NRF1: variants seen among roughly 807,000 people sequenced by gnomAD.
NRF1 encodes the protein alpha palindromic-binding protein.
A neutral mutation model predicts 58.5 loss-of-function variants in NRF1; 5 were observed. That is an observed-to-expected ratio of 0.09 (90% CI 0.04 to 0.18). The LOEUF (loss-of-function observed/expected upper bound fraction) is 0.18, where lower values mean the gene tolerates loss of function less well. Among genes scored for constraint, NRF1 ranks in the 10% least tolerant of loss-of-function variants. NRF1 has a pLI of 1.00. For missense variants in NRF1, 288 were observed against 657.7 expected, an observed-to-expected ratio of 0.44 and a Z score of 6.15; for synonymous variants, 224 against 246.7, an observed-to-expected ratio of 0.91 and a Z score of 0.86.
intron 1 of NRF1, among the ~76,000 whole-genome samples, chr7:129,635,490 G>T (rs964279054): frequency 1.3e-5 from 2 of 152,014 alleles, no homozygotes; most frequent in Non-Finnish European, 2.9e-5. Context: ...GTTTGTATGT[G>T]CATTTGTACA....
At chr7:129,675,633 G>A (rs1201901144) in intron 3 of NRF1, among the ~76,000 whole-genome samples, 35 of 152,202 alleles carry the variant, frequency 2.3e-4, no homozygotes, top group Non-Finnish European at 4.4e-5. Flanking sequence ...GTGACTAGGT[G>A]CATTGTCAAT....
At chr7:129,667,246 G>C (rs1338652925) in intron 2 of NRF1, among the ~76,000 whole-genome samples, 1 of 152,142 alleles carries the variant, frequency 6.6e-6, no homozygotes, top group Non-Finnish European at 1.5e-5. Flanking sequence ...CTCACCATCG[G>C]TGTTACCAGT....
At chr7:129,624,089 C>T (rs1800863965) in intron 1 of NRF1, among the ~76,000 whole-genome samples, 1 of 152,112 alleles carries the variant, frequency 6.6e-6, no homozygotes, top group South Asian at 2.1e-4. Flanking sequence ...AATACAGAAC[C>T]TGTGGATATG....
intron 1 of NRF1, among the ~76,000 whole-genome samples, chr7:129,642,617 A>G (rs1471315526): frequency 6.6e-6 from 1 of 152,170 alleles, no homozygotes; most frequent in African/African-American, 2.4e-5. Context: ...AAATGCTGGA[A>G]GCATATACAT....
chr7:129,727,237 G>T lies in NRF1; in HGVS notation c.1224-4G>T, dbSNP rs371367084. On this transcript the variant is annotated splice_region_variant and splice_polypyrimidine_tract_variant and intron_variant, in intron 9 of 10. Transcript: ENST00000393232. ...CATCCTCTCTCCTGTTCCTGTGCCC[G>T]CAGCGAAGCTGCCGCCCATGCTGTC... The T allele has an allele frequency of 1.8e-5, 29 of 1,586,806 alleles. No individual in the cohort carries two copies. The highest frequency in any genetic ancestry group is 1.7e-4 in the Middle Eastern group (1 of 5,996).
chr7:129,635,433 G>A (rs1426962147), intron 1 of NRF1, among the ~76,000 whole-genome samples: 1 of 152,050 alleles, frequency 6.6e-6, no homozygotes, highest in Non-Finnish European at 1.5e-5. Context: ...CTTTAAAGAG[G>A]ACCGAGCCTT....
At chr7:129,628,143 A>T (rs184403023) in intron 1 of NRF1, among the ~76,000 whole-genome samples, 1 of 139,492 alleles carries the variant, frequency 7.2e-6, no homozygotes, top group Admixed American at 8.3e-5. Flanking sequence ...TCCTGGGTTC[A>T]CTCCATTCTC....
At chr7:129,643,504 A>G (rs1801339671) in intron 1 of NRF1, among the ~76,000 whole-genome samples, 1 of 152,220 alleles carries the variant, frequency 6.6e-6, no homozygotes, top group Admixed American at 6.5e-5. Flanking sequence ...GCAGCTGTGG[A>G]CAAACAATTA....
intron 5 of NRF1, among the ~76,000 whole-genome samples, chr7:129,701,647 G>A (rs1802828548): frequency 2.0e-5 from 3 of 152,034 alleles, no homozygotes; most frequent in Admixed American, 6.6e-5. Context: ...ATAAAATGTG[G>A]AAGAGGATGA....
At chr7:129,677,046 T>C (rs952869322) in intron 3 of NRF1, among the ~76,000 whole-genome samples, 1 of 141,786 alleles carries the variant, frequency 7.1e-6, no homozygotes, top group Admixed American at 7.6e-5. Context: ...AGTCTTGCTC[T>C]GTTGCTCAGG....
chr7:129,744,990 T>C (rs995271940), intron 10 of NRF1, among the ~76,000 whole-genome samples: 2 of 147,528 alleles, frequency 1.4e-5, no homozygotes, highest in Non-Finnish European at 3.0e-5. Flanking sequence ...TTTTCCATCA[T>C]AAAAAGTTTG....
chr7:129,744,312 T>G, intron 10 of NRF1: 1 of 1,240,654 alleles, frequency 8.1e-7, no homozygotes, highest in Non-Finnish European at 1.2e-6. Flanking sequence ...TGCTTCCTGC[T>G]TGGATGGTGG....
intron 4 of NRF1, among the ~76,000 whole-genome samples, chr7:129,684,969 G>A (rs1034772344): frequency 6.6e-6 from 1 of 152,206 alleles, no homozygotes; most frequent in African/African-American, 2.4e-5. Flanking sequence ...ACAATAGGAT[G>A]AAGTCAACAT....
intron 4 of NRF1, among the ~76,000 whole-genome samples, chr7:129,683,757 C>T (rs907822646): frequency 2.1e-5 from 3 of 142,598 alleles, no homozygotes; most frequent in Non-Finnish European, 4.6e-5. Context: ...CCTCAGCCTC[C>T]GAGTAGTTGG....
chr7:129,697,110 C>T (rs377196652), intron 5 of NRF1, among the ~76,000 whole-genome samples: 116 of 152,256 alleles, frequency 7.6e-4, no homozygotes, highest in African/African-American at 2.6e-3. Context: ...AACATACCAT[C>T]TCTCAGCCAT....
intron 1 of NRF1, among the ~76,000 whole-genome samples, chr7:129,640,745 T>C (rs1801271570): frequency 6.6e-6 from 1 of 152,134 alleles, no homozygotes; most frequent in African/African-American, 2.4e-5. Context: ...AAGTTTTGGA[T>C]TTGCCACCAA....
At chr7:129,676,988 A>G (rs564640218) in intron 3 of NRF1, among the ~76,000 whole-genome samples, 33 of 151,246 alleles carry the variant, frequency 2.2e-4, no homozygotes, top group Non-Finnish European at 4.1e-4. Context: ...TAAATTCTGT[A>G]AGAGCACATC....
intron 1 of NRF1, among the ~76,000 whole-genome samples, chr7:129,645,581 A>G (rs1370200439): frequency 6.6e-6 from 1 of 152,248 alleles, no homozygotes; most frequent in East Asian, 1.9e-4. Flanking sequence ...CAAAGGTACC[A>G]TTGCTACCAC....
At chr7:129,624,011 C>A (rs928277382) in intron 1 of NRF1, among the ~76,000 whole-genome samples, 1 of 152,176 alleles carries the variant, frequency 6.6e-6, no homozygotes, top group East Asian at 1.9e-4. Context: ...GAGAATCCAC[C>A]ACAATGATTG....
Sources: gnomAD v4.1 joint callset for allele counts (sites outside exome capture counted in the v4.1 genomes callset) on GRCh38, gnomAD v4.1.1 for gene constraint, MANE v1.5 for transcripts, NCBI Gene and HGNC (gene_info 2026-07-23, HGNC 2026-07-21) for gene names.